TRIO: variants seen among roughly 807,000 people sequenced by gnomAD.
The protein encoded by TRIO is triple functional domain protein.
In TRIO, 58 loss-of-function variants were observed where a neutral mutation model predicts 351.9. The ratio of observed to expected loss-of-function variants is 0.16; its 90% CI spans 0.13 to 0.21. The LOEUF is 0.21. Among genes scored for constraint, TRIO ranks in the 10% least tolerant of loss-of-function variants. The pLI, the probability that TRIO is intolerant of heterozygous loss-of-function variation, is 1.00. For synonymous variants in TRIO, 1,758 were observed against 1,595.7 expected (o/e 1.10, Z -2.42); for missense variants, 3,201 against 4,027.8 (o/e 0.79, Z 5.56).
chr5:14,265,928 C>CAAAACACAACACAA, intron 1 of TRIO, among the ~76,000 whole-genome samples: 1 of 152,212 alleles, frequency 6.6e-6, no homozygotes, highest in South Asian at 2.1e-4. Context: ...TTTCACAAAA[C>CAAAACACAACACAA]AAAAATAGAA....
chr5:14,192,679 A>G (rs960281207), intron 1 of TRIO, among the ~76,000 whole-genome samples: 1 of 152,212 alleles, frequency 6.6e-6, no homozygotes, highest in Admixed American at 6.5e-5. Flanking sequence ...ACAGGTCAAG[A>G]ATACAAGAGA....
chr5:14,417,490 G>A (rs1010046246), intron 33 of TRIO, among the ~76,000 whole-genome samples: 12 of 152,238 alleles, frequency 7.9e-5, no homozygotes, highest in Admixed American at 3.9e-4. Flanking sequence ...AGAACACAGC[G>A]GGAGTGTGAG....
At chr5:14,182,282 AC>A (rs1478610232) in intron 1 of TRIO, among the ~76,000 whole-genome samples, 1 of 152,010 alleles carries the variant, frequency 6.6e-6, no homozygotes, top group East Asian at 1.9e-4. Context: ...ATTTGGTAGA[AC>A]CGCCTATTAC....
chr5:14,169,639 A>T (rs1435683091), intron 1 of TRIO, among the ~76,000 whole-genome samples: 4 of 152,126 alleles, frequency 2.6e-5, no homozygotes, highest in African/African-American at 9.7e-5. Context: ...TAACTTGTTC[A>T]CCCTTACTTT....
At chr5:14,385,546 GAA>G (rs1473038513) in intron 21 of TRIO, among the ~76,000 whole-genome samples, 1 of 152,074 alleles carries the variant, frequency 6.6e-6, no homozygotes, top group African/African-American at 2.4e-5. Flanking sequence ...ATATGAGAGA[GAA>G]AAATACTTAT....
chr5:14,415,411 G>A (rs1225861812), intron 33 of TRIO, among the ~76,000 whole-genome samples: 1 of 152,082 alleles, frequency 6.6e-6, no homozygotes, highest in Non-Finnish European at 1.5e-5. Context: ...TCTATCGAGA[G>A]CCATATGTTC....
chr5:14,457,266 A>G (rs945823155), intron 34 of TRIO, among the ~76,000 whole-genome samples: 1 of 151,422 alleles, frequency 6.6e-6, no homozygotes, highest in Non-Finnish European at 1.5e-5. Flanking sequence ...TTCAATAAGT[A>G]GGAACTCAGG....
At chr5:14,356,718 C>G (rs576997962) in intron 11 of TRIO, among the ~76,000 whole-genome samples, 3 of 152,138 alleles carry the variant, frequency 2.0e-5, no homozygotes, top group Non-Finnish European at 4.4e-5. Flanking sequence ...TGGAAATAAC[C>G]GAGATGCCCA....
chr5:14,326,846 G>A (rs10062003), intron 9 of TRIO, among the ~76,000 whole-genome samples: 6,145 of 152,290 alleles, frequency 0.04, 430 homozygotes, highest in African/African-American at 0.14. Context: ...GGTAATCTGA[G>A]TAATCTACCC....
At chr5:14,454,378 C>T (rs1437209613) in intron 34 of TRIO, among the ~76,000 whole-genome samples, 4 of 152,170 alleles carry the variant, frequency 2.6e-5, no homozygotes, top group East Asian at 1.9e-4. Flanking sequence ...AGAGATGAGT[C>T]GCTAGAAGGG....
chr5:14,459,899 C>T (rs951929711), intron 34 of TRIO, among the ~76,000 whole-genome samples: 3 of 152,064 alleles, frequency 2.0e-5, no homozygotes, highest in African/African-American at 7.2e-5. Flanking sequence ...CCCCTCCTCA[C>T]ATTTCTTTTC....
In TRIO at chr5:14,457,434, T is replaced by C. The variant is rs1561513486; in HGVS notation, c.5204-3585T>C. ...AGTGACCATTTAGGCCATAGCCACA[T>C]TTTTAATGCTTAACCTGCCAGGTAA... On this transcript the variant is annotated intron_variant, in intron 34 of 56. Coordinates refer to ENST00000344204, the MANE Select transcript of TRIO (RefSeq NM_007118.4). Among the ~76,000 whole-genome samples, 3 of 127,042 alleles carry C rather than the reference T, an allele frequency of 2.4e-5. No individual in the cohort carries two copies. In the South Asian group the frequency reaches 7.8e-4, roughly 33 times the overall value. 83.3% of individuals were successfully genotyped at this position (127,042 alleles called of 152,430 possible).
chr5:14,494,297 T>G (rs1244484280), intron 49 of TRIO, among the ~76,000 whole-genome samples: 1 of 152,224 alleles, frequency 6.6e-6, no homozygotes, highest in Non-Finnish European at 1.5e-5. Flanking sequence ...GAATGCCTGC[T>G]GTGGTAGAGG....
chr5:14,340,716 G>A (rs913808112), intron 11 of TRIO, among the ~76,000 whole-genome samples: 1 of 152,302 alleles, frequency 6.6e-6, no homozygotes, highest in East Asian at 1.9e-4. Context: ...GAAGAAGGTG[G>A]CTGCCGGAAG....
At chr5:14,358,791 G>C (rs554956613) in intron 12 of TRIO, among the ~76,000 whole-genome samples, 2 of 152,152 alleles carry the variant, frequency 1.3e-5, no homozygotes, top group African/African-American at 4.8e-5. Context: ...TTCAAAGCAG[G>C]ATATGGAGGC....
intron 33 of TRIO, among the ~76,000 whole-genome samples, chr5:14,413,825 G>A (rs886262212): frequency 2.6e-5 from 4 of 152,192 alleles, no homozygotes; most frequent in Non-Finnish European, 5.9e-5. Flanking sequence ...TACACAACAT[G>A]ATCGAAGTTA....
At chr5:14,389,247 TG>T in intron 24 of TRIO, 41 bp from the exon 25 acceptor site, 1 of 1,460,976 alleles carries the variant, frequency 6.8e-7, no homozygotes, top group Non-Finnish European at 9.4e-7. Flanking sequence ...CTTGAAAATA[TG>T]GTGATTATTT....
chr5:14,300,409 G>A (rs1737774714), intron 7 of TRIO, among the ~76,000 whole-genome samples: 2 of 152,184 alleles, frequency 1.3e-5, no homozygotes, highest in South Asian at 2.1e-4. Context: ...TTAAAATGTA[G>A]TTGCTTATTC....
intron 28 of TRIO, among the ~76,000 whole-genome samples, chr5:14,394,863 TATC>T (rs1159902164): frequency 2.0e-5 from 3 of 152,328 alleles, no homozygotes; most frequent in East Asian, 1.9e-4. Flanking sequence ...TTATATTATA[TATC>T]ATCAATACAC....
Sources: gnomAD v4.1 joint callset for allele counts (sites outside exome capture counted in the v4.1 genomes callset) on GRCh38, gnomAD v4.1.1 for gene constraint, MANE v1.5 for transcripts, NCBI Gene and HGNC (gene_info 2026-07-23, HGNC 2026-07-21) for gene names.